Variants in IKBKB-DT observed in about 807,000 individuals in gnomAD.
IKBKB-DT encodes IKBKB divergent transcript, also known as IKBKB antisense RNA.
chr8:42,240,742 C>T (rs529744791), intron 3 of IKBKB-DT, among the ~76,000 whole-genome samples: 73 of 151,510 alleles, frequency 4.8e-4, no homozygotes, highest in Non-Finnish European at 8.4e-4. Context: ...TTTGAGAGGC[C>T]GAGGTGGGTG....
At chr8:42,247,761 T>G (rs1195306842) in intron 3 of IKBKB-DT, among the ~76,000 whole-genome samples, 2 of 152,082 alleles carry the variant, frequency 1.3e-5, no homozygotes, top group Non-Finnish European at 2.9e-5. Flanking sequence ...AAGTGACAAT[T>G]TCCTCTGGGC....
chr8:42,249,877 G>T (rs1238084890), intron 3 of IKBKB-DT, among the ~76,000 whole-genome samples: 1 of 151,838 alleles, frequency 6.6e-6, no homozygotes, highest in African/African-American at 2.4e-5. Context: ...AGGAGTTCGA[G>T]ACCAGCTTGA....
chr8:42,246,312 G>A (rs1344522076), intron 3 of IKBKB-DT, among the ~76,000 whole-genome samples: 1 of 152,158 alleles, frequency 6.6e-6, no homozygotes, highest in African/African-American at 2.4e-5. Flanking sequence ...ACAGGTGTAA[G>A]CCACAGTGCC....
chr8:42,267,733 T>TC (rs1186242388), intron 1 of IKBKB-DT, among the ~76,000 whole-genome samples: 2 of 152,186 alleles, frequency 1.3e-5, no homozygotes, highest in Non-Finnish European at 2.9e-5. Flanking sequence ...TCTGCTCATA[T>TC]CTCCAGAGCA....
Position 42,246,175 on chromosome 8 carries a change from T to G in IKBKB-DT, n.1530-12316A>C, listed in dbSNP as rs1807060913. Among the ~76,000 whole-genome samples, 4 of 152,294 alleles carry G rather than the reference T, an allele frequency of 2.6e-5. No homozygotes were observed. In the South Asian group the frequency reaches 8.3e-4, roughly 32 times the overall value. ...CCTCAACCTCCTGAGCAGCTGGGAC[T>G]GCAGGGGCATGCCACCATGCCGGGC... On this transcript the variant is annotated intron_variant and non_coding_transcript_variant, in intron 3 of 3. Transcript: ENST00000518213.
At chr8:42,240,270 T>C (rs538543183) in intron 3 of IKBKB-DT, among the ~76,000 whole-genome samples, 18 of 152,034 alleles carry the variant, frequency 1.2e-4, no homozygotes, top group African/African-American at 4.1e-4. Flanking sequence ...GTTCCCCTGT[T>C]AGTTACAACT....
chr8:42,269,511 G>T (rs906079194), intron 1 of IKBKB-DT, among the ~76,000 whole-genome samples: 3 of 104,070 alleles, frequency 2.9e-5, no homozygotes, highest in African/African-American at 1.1e-4. Context: ...GAAGGAAGGA[G>T]GAGAGATAGG....
rs1262302206 is a variant in IKBKB-DT at position 42,248,473 on chromosome 8, T to C, written n.1530-14614A>G. Among the ~76,000 whole-genome samples the C allele has an allele frequency of 2.0e-5, 3 of 152,208 alleles. No homozygotes were observed. The East Asian group carries it at 5.8e-4, about 29-fold the overall frequency. On this transcript the variant is annotated intron_variant and non_coding_transcript_variant, in intron 3 of 3. Transcript: ENST00000518213. The stretch of plus-strand genomic sequence containing the variant: ...AAAGGTAGATGTTTTCCAGGAAGCA[T>C]TGATCTTTACCTTAGAGCCCAATGT...
intron 3 of IKBKB-DT, among the ~76,000 whole-genome samples, chr8:42,250,239 T>C (rs1807114940): frequency 6.6e-6 from 1 of 151,924 alleles, no homozygotes; most frequent in South Asian, 2.1e-4. Flanking sequence ...GAAATAGTCC[T>C]CCTGGGCACT....
exon 1 of IKBKB-DT, chr8:42,271,128 T>C: frequency 1.9e-6 from 1 of 514,402 alleles, no homozygotes; most frequent in Non-Finnish European, 3.5e-6. Context: ...TTTAAATCGG[T>C]GAGCACGGTC....
intron 3 of IKBKB-DT, among the ~76,000 whole-genome samples, chr8:42,260,660 C>T (rs1200320549): frequency 8.2e-6 from 1 of 121,532 alleles, no homozygotes; most frequent in Non-Finnish European, 1.6e-5. Flanking sequence ...CAGAGCAAGA[C>T]TCTGTCTCAA....
chr8:42,260,001 A>G (rs1226517860), intron 3 of IKBKB-DT, among the ~76,000 whole-genome samples: 1 of 151,726 alleles, frequency 6.6e-6, no homozygotes, highest in Admixed American at 6.6e-5. Context: ...AAAACAAAAA[A>G]AAAAGAGAGA....
chr8:42,250,411 T>C (rs570393653), intron 3 of IKBKB-DT, among the ~76,000 whole-genome samples: 5 of 152,346 alleles, frequency 3.3e-5, no homozygotes, highest in Admixed American at 2.0e-4. Context: ...TTGCATATTT[T>C]GTGACCTTCA....
At chr8:42,248,869 C>CAAAA (rs1326485245) in intron 3 of IKBKB-DT, among the ~76,000 whole-genome samples, 4 of 68,016 alleles carry the variant, frequency 5.9e-5, no homozygotes, top group African/African-American at 1.9e-4. Flanking sequence ...GAGGCTCTAC[C>CAAAA]AAAAAAAAAA....
intron 3 of IKBKB-DT, among the ~76,000 whole-genome samples, chr8:42,235,205 C>CTTTTTTTTTTTTTTTTTTTTT (rs746414963): frequency 2.0e-5 from 2 of 99,402 alleles, no homozygotes; most frequent in African/African-American, 4.0e-5. Context: ...CTTTTATTTT[C>CTTTTTTTTTTTTTTTTTTTTT]TTTTTTTTTT....
intron 3 of IKBKB-DT, among the ~76,000 whole-genome samples, chr8:42,235,495 G>A (rs1038271320): frequency 1.3e-5 from 2 of 152,022 alleles, no homozygotes; most frequent in African/African-American, 4.8e-5. Context: ...ATGAGCCACC[G>A]CACATGGCCT....
intron 3 of IKBKB-DT, among the ~76,000 whole-genome samples, chr8:42,262,002 G>A (rs1044436270): frequency 6.6e-6 from 1 of 152,188 alleles, no homozygotes; most frequent in South Asian, 2.1e-4. Flanking sequence ...AGACAAACAG[G>A]AAAGCAATAG....
chr8:42,253,524 T>C (rs1375391145), intron 3 of IKBKB-DT, among the ~76,000 whole-genome samples: 2 of 152,172 alleles, frequency 1.3e-5, no homozygotes, highest in Non-Finnish European at 2.9e-5. Flanking sequence ...GAATGTTAGT[T>C]TGGAGAGTCA....
intron 3 of IKBKB-DT, among the ~76,000 whole-genome samples, chr8:42,235,371 AT>A (rs557231175): frequency 6.6e-6 from 1 of 151,526 alleles, no homozygotes; most frequent in African/African-American, 2.4e-5. Flanking sequence ...CGCCCAGCTA[AT>A]TTTTTGTATT....
Sources: allele counts gnomAD v4.1 joint callset (sites outside exome capture counted in the v4.1 genomes callset), GRCh38; gene constraint gnomAD v4.1.1; transcripts MANE v1.5; gene names NCBI Gene and HGNC (gene_info 2026-07-23, HGNC 2026-07-21).